The following DCC variants were observed in gnomAD, a reference collection of about 807,000 sequenced individuals.
DCC encodes DCC netrin 1 receptor, also known as netrin receptor DCC.
DCC carries 58 observed loss-of-function variants against 172.5 expected under a neutral mutation model. That is an observed-to-expected ratio of 0.34 (90% CI 0.27 to 0.42). The LOEUF (loss-of-function observed/expected upper bound fraction) is 0.42. Among genes scored for constraint, DCC ranks in the 10% least tolerant of loss-of-function variants. The pLI is 1.00. For synonymous variants in DCC, 709 were observed against 644.5 expected (o/e 1.10, Z -1.52); for missense variants, 1,740 against 1,791.0 (o/e 0.97, Z 0.51).
chr18:53,260,620 G>C (rs897570709), intron 12 of DCC, among the ~76,000 whole-genome samples: 2 of 152,262 alleles, frequency 1.3e-5, no homozygotes, highest in Admixed American at 6.5e-5. Context: ...CCTACTGGGG[G>C]GTGCCTCCCA....
chr18:52,943,948 G>T (rs563645052), intron 5 of DCC, among the ~76,000 whole-genome samples: 2 of 152,238 alleles, frequency 1.3e-5, no homozygotes, highest in Admixed American at 1.3e-4. Flanking sequence ...ATTAGAGGCA[G>T]AGTTTTGCCA....
At position 52,532,925 on chromosome 18, in the gene DCC, C is replaced by T. The variant is rs185608178; in HGVS notation, c.91+192047C>T. 2.5e-3 allele frequency among the ~76,000 whole-genome samples: 374 copies of T among 152,152 alleles called. 4 individuals carry two copies. The highest frequency in any genetic ancestry group is 0.015 in the South Asian group (70 of 4,816). On this transcript the variant is annotated intron_variant, in intron 1 of 28. Transcript: ENST00000442544. Reference sequence around the variant, plus strand: ...TCATCTCCCTAAAGAGAACACCATACCTATTAGTAGTCAGACTCATTCCCA... The same window carrying T: ...TCATCTCCCTAAAGAGAACACCATATCTATTAGTAGTCAGACTCATTCCCA...
intron 1 of DCC, among the ~76,000 whole-genome samples, chr18:52,747,749 C>T (rs1025474260): frequency 6.6e-6 from 1 of 152,130 alleles, no homozygotes; most frequent in South Asian, 2.1e-4. Context: ...AAATTATATA[C>T]TGGTGGGCAA....
chr18:53,501,238 C>CTAAACAACTTTGTAAGGTAGCTATTAGT (rs2046093974), intron 27 of DCC, among the ~76,000 whole-genome samples: 1 of 152,162 alleles, frequency 6.6e-6, no homozygotes, highest in Non-Finnish European at 1.5e-5. Context: ...ATTTGATCCT[C>CTAAACAACTTTGTAAGGTAGCTATTAGT]TAAACAACTT....
chr18:53,152,620 C>A (rs1041057771), intron 7 of DCC, among the ~76,000 whole-genome samples: 1 of 152,066 alleles, frequency 6.6e-6, no homozygotes, highest in Non-Finnish European at 1.5e-5. Flanking sequence ...GGCAAATTCA[C>A]CTCCTCTTCT....
chr18:53,450,353 T>C, intron 22 of DCC, 147 bp from the exon 23 acceptor site: 3 of 806,598 alleles, frequency 3.7e-6, no homozygotes, highest in Non-Finnish European at 6.2e-6. Flanking sequence ...TCCTCTCATT[T>C]TTTCATTGCT....
chr18:53,240,931 G>A (rs772771771), intron 12 of DCC, among the ~76,000 whole-genome samples: 2 of 152,142 alleles, frequency 1.3e-5, no homozygotes, highest in Non-Finnish European at 2.9e-5. Flanking sequence ...TTGTTTAAAT[G>A]CATAGAAGTA....
At position 53,258,127 on chromosome 18, in the gene DCC, G is replaced by A. The variant is rs999436463; in HGVS notation, c.1911+42530G>A. Among the ~76,000 whole-genome samples the A allele has an allele frequency of 1.6e-4, 25 of 152,004 alleles. 1 individual carries two copies. The highest frequency in any genetic ancestry group is 1.2e-3 in the Admixed American group (19 of 15,270). On this transcript the variant is annotated intron_variant, in intron 12 of 28. Coordinates refer to ENST00000442544, the MANE Select transcript of DCC (RefSeq NM_005215.4). ...TTTCTTCTTTATTAGTCTTGTTAGCGGTCTGTCAATTTTGTAGATCTTTTC... is the reference window on the plus strand; with the variant it reads ...TTTCTTCTTTATTAGTCTTGTTAGCAGTCTGTCAATTTTGTAGATCTTTTC...
chr18:52,663,461 C>A (rs1329391947), intron 1 of DCC, among the ~76,000 whole-genome samples: 1 of 151,956 alleles, frequency 6.6e-6, no homozygotes, highest in East Asian at 1.9e-4. Flanking sequence ...GCTAAGTGGA[C>A]CTAGATGTGT....
intron 5 of DCC, among the ~76,000 whole-genome samples, chr18:53,043,447 C>A (rs1024664531): frequency 1.3e-5 from 2 of 151,996 alleles, no homozygotes; most frequent in Non-Finnish European, 2.9e-5. Context: ...TATCCCAGAA[C>A]TTAAAATATA....
intron 1 of DCC, among the ~76,000 whole-genome samples, chr18:52,490,983 T>C (rs1008854196): frequency 6.6e-6 from 1 of 152,046 alleles, no homozygotes; most frequent in Non-Finnish European, 1.5e-5. Context: ...CCAATTAGCA[T>C]TAATTAGAAG....
chr18:52,641,207 A>T (rs1374622873), intron 1 of DCC, among the ~76,000 whole-genome samples: 1 of 152,196 alleles, frequency 6.6e-6, no homozygotes, highest in Non-Finnish European at 1.5e-5. Flanking sequence ...CCTTACATAA[A>T]AATCAACTCA....
At chr18:53,103,795 G>C (rs904352612) in intron 7 of DCC, among the ~76,000 whole-genome samples, 4 of 151,930 alleles carry the variant, frequency 2.6e-5, no homozygotes, top group Non-Finnish European at 4.4e-5. Context: ...GCCACAGTTT[G>C]AATCTAAATA....
rs1325643316 is a variant in DCC, at chr18:53,289,385, A to C, written c.1912-16193A>C. 5.3e-5 allele frequency among the ~76,000 whole-genome samples: 8 copies of C among 152,312 alleles called. No homozygotes were observed. The East Asian group carries it at 1.5e-3, about 29-fold the overall frequency. On this transcript the variant is annotated intron_variant, in intron 12 of 28. Coordinates refer to ENST00000442544, the MANE Select transcript of DCC (RefSeq NM_005215.4). ...ATCATAATCATTCTAATTTAGAGGCATAAATTCTCTACGAAGCCAGAATTT... is the reference window on the plus strand; with the variant it reads ...ATCATAATCATTCTAATTTAGAGGCCTAAATTCTCTACGAAGCCAGAATTT...
intron 1 of DCC, among the ~76,000 whole-genome samples, chr18:52,725,686 C>T (rs957758570): frequency 3.3e-5 from 5 of 152,076 alleles, no homozygotes; most frequent in Non-Finnish European, 5.9e-5. Flanking sequence ...AGTAAAGACT[C>T]TTAATGTGTT....
intron 1 of DCC, among the ~76,000 whole-genome samples, chr18:52,450,623 A>T (rs915158799): frequency 6.6e-6 from 1 of 152,220 alleles, no homozygotes; most frequent in Admixed American, 6.5e-5. Flanking sequence ...CAAATTACAT[A>T]TGATTACTTG....
intron 1 of DCC, among the ~76,000 whole-genome samples, chr18:52,442,709 AT>A (rs1401968494): frequency 6.6e-6 from 1 of 152,230 alleles, no homozygotes; most frequent in Non-Finnish European, 1.5e-5. Flanking sequence ...ATGCCAAAAC[AT>A]TTGTAGATTT....
At chr18:53,288,701 G>A (rs1440878847) in intron 12 of DCC, among the ~76,000 whole-genome samples, 2 of 152,080 alleles carry the variant, frequency 1.3e-5, no homozygotes, top group African/African-American at 4.8e-5. Context: ...TGATTGAAGT[G>A]TTGATAGTTA....
chr18:53,138,255 CCT>C (rs927957358), intron 7 of DCC, among the ~76,000 whole-genome samples: 2 of 152,042 alleles, frequency 1.3e-5, no homozygotes, highest in Non-Finnish European at 2.9e-5. Flanking sequence ...AGTTAATGTG[CCT>C]CTCTAATGCT....
Sources: gnomAD v4.1 joint callset for allele counts (sites outside exome capture counted in the v4.1 genomes callset) on GRCh38, gnomAD v4.1.1 for gene constraint, MANE v1.5 for transcripts, NCBI Gene and HGNC (gene_info 2026-07-23, HGNC 2026-07-21) for gene names.